Variants in RHOBTB1 observed in about 807,000 individuals in gnomAD.
RHOBTB1 encodes Rho related BTB domain containing 1.
A neutral mutation model predicts 71.6 loss-of-function variants in RHOBTB1; 40 were observed. That is an observed-to-expected ratio of 0.56 (90% CI 0.43 to 0.73). The LOEUF (loss-of-function observed/expected upper bound fraction) is 0.73, where lower values mean the gene tolerates loss of function less well. Among genes scored for constraint, RHOBTB1 ranks in the 30% least tolerant of loss-of-function variants. The pLI is 0.00. For missense variants in RHOBTB1, 797 were observed against 894.0 expected, an observed-to-expected ratio of 0.89 and a Z score of 1.38; for synonymous variants, 319 against 334.9, an observed-to-expected ratio of 0.95 and a Z score of 0.52.
rs777532018 is a variant in RHOBTB1, at chr10:60,911,351, C to T, written c.192G>A (p.Glu64=). Residue 64 remains glutamate, a splice_region_variant and synonymous_variant, in exon 3 of 11, where the codon GAG becomes GAA. Coordinates refer to ENST00000337910, the MANE Select transcript of RHOBTB1 (RefSeq NM_014836.5). The stretch of plus-strand genomic sequence containing the variant: ...GCTGAAGACACTCTGTGCATCTTAC[C>T]TCCTGGCACACGCGGTACTGGTCAA... ...WAIDQYRVCQ[E]VLERSRDVVD... is the part of the protein sequence containing the mutation. 9.0e-5 allele frequency: 144 copies of T among 1,607,036 alleles called. No homozygotes were observed. Among genetic ancestry groups the T allele is most frequent in the Non-Finnish European group, 1.2e-4 (142 of 1,174,306 alleles).
chr10:60,886,175 G>A lies in RHOBTB1; in HGVS notation c.1512C>T (p.Ile504=), dbSNP rs2081563115. 1 of 1,614,094 alleles carries A rather than the reference G, an allele frequency of 6.2e-7. No individual in the cohort carries two copies. Among genetic ancestry groups the A allele is most frequent in the Non-Finnish European group, 8.5e-7 (1 of 1,179,954 alleles). The change falls in exon 7 of 11, where the codon ATC becomes ATT. Residue 504 remains isoleucine (I), a synonymous_variant. Coordinates refer to ENST00000337910, the MANE Select transcript of RHOBTB1 (RefSeq NM_014836.5). ...TGGCTGCCATCCACTCACAGCTACA[G>A]ATCAGCAGCGGCTTGTGGGCACTGA... The part of the protein sequence containing the change: ...GAISAHKPLL[I]CSCEWMAAMF...
chr10:60,949,411 C>T (rs921317663), intron 2 of RHOBTB1, among the ~76,000 whole-genome samples: 1 of 152,142 alleles, frequency 6.6e-6, no homozygotes, highest in South Asian at 2.1e-4. Flanking sequence ...AGTGAAAGAC[C>T]CTTCAGCGTG....
At chr10:60,889,301 A>G in intron 5 of RHOBTB1, 116 bp from the exon 6 acceptor site, 14 of 1,074,378 alleles carry the variant, frequency 1.3e-5, no homozygotes, top group Non-Finnish European at 1.8e-5. Flanking sequence ...TCAGGCTTTT[A>G]GTCTCTGGAA....
rs200091850 is a variant in RHOBTB1, at chr10:60,888,699, C to G, written c.969G>C (p.Arg323=). 7 of 1,614,206 alleles carry G rather than the reference C, an allele frequency of 4.3e-6. No individual in the cohort carries two copies. The highest frequency in any genetic ancestry group is 5.9e-6 in the Non-Finnish European group (7 of 1,180,020). ...KEKQSRDFQG[R]ILSVDPEEER... ...CTTCCTCTGGGTCGACACTCAATAT[C>G]CGCCCCTGGAAATCTCTGCTCTGCT... The change falls in exon 6 of 11, where the codon CGG becomes CGC. Residue 323 remains arginine (R), a synonymous_variant. Transcript: ENST00000337910.
intron 2 of RHOBTB1, among the ~76,000 whole-genome samples, chr10:60,964,358 A>G (rs1050714244): frequency 3.3e-5 from 5 of 152,114 alleles, no homozygotes; most frequent in African/African-American, 9.7e-5. Flanking sequence ...TCTAGGGGAC[A>G]CATGGAAAAT....
chr10:60,980,605 G>A (rs2086464852), intron 2 of RHOBTB1, among the ~76,000 whole-genome samples: 1 of 151,902 alleles, frequency 6.6e-6, no homozygotes, highest in Non-Finnish European at 1.5e-5. Context: ...CCCAGAGTTT[G>A]GATTAATTGT....
intron 2 of RHOBTB1, among the ~76,000 whole-genome samples, chr10:60,958,309 C>T (rs1007109969): frequency 2.0e-5 from 3 of 152,146 alleles, no homozygotes; most frequent in African/African-American, 7.2e-5. Flanking sequence ...GTTAAACTCT[C>T]ATTTCTTTAG....
intron 1 of RHOBTB1, among the ~76,000 whole-genome samples, chr10:60,997,043 A>G (rs1003937225): frequency 1.3e-5 from 2 of 148,934 alleles, no homozygotes; most frequent in Admixed American, 6.8e-5. Flanking sequence ...TATCAAGTCT[A>G]GTAGCCACAG....
At chr10:60,882,833 CG>C (rs780757269) in intron 7 of RHOBTB1, among the ~76,000 whole-genome samples, 6 of 152,046 alleles carry the variant, frequency 3.9e-5, no homozygotes, top group Non-Finnish European at 8.8e-5. Context: ...TAGAGCTTTC[CG>C]GGGACAAATA....
At chr10:60,986,003 A>G (rs1198145843) in intron 1 of RHOBTB1, 3 of 152,202 alleles carry the variant, frequency 2.0e-5, no homozygotes, top group Non-Finnish European at 2.9e-5. Flanking sequence ...AAAACCACTC[A>G]AACAATATTA....
intron 2 of RHOBTB1, among the ~76,000 whole-genome samples, chr10:60,963,688 G>A (rs751271402): frequency 1.2e-4 from 19 of 152,034 alleles, no homozygotes; most frequent in Non-Finnish European, 1.8e-4. Context: ...AAGGAGTAAT[G>A]GTTTTTGTGT....
intron 2 of RHOBTB1, among the ~76,000 whole-genome samples, chr10:60,970,907 C>A (rs1897358): frequency 6.6e-6 from 1 of 151,712 alleles, no homozygotes; most frequent in Admixed American, 6.6e-5. Flanking sequence ...GAGAGTCAAA[C>A]TCAGTATCAG....
chr10:60,952,749 C>T (rs1041059157), intron 2 of RHOBTB1, among the ~76,000 whole-genome samples: 1 of 152,018 alleles, frequency 6.6e-6, no homozygotes, highest in Non-Finnish European at 1.5e-5. Context: ...TGATATTAAA[C>T]TCAGGTAAAC....
intron 2 of RHOBTB1, among the ~76,000 whole-genome samples, chr10:60,953,584 T>C (rs2085484856): frequency 6.6e-6 from 1 of 152,240 alleles, no homozygotes; most frequent in Admixed American, 6.5e-5. Flanking sequence ...TTCTGTTTTC[T>C]ATTGAAAGAA....
intron 2 of RHOBTB1, among the ~76,000 whole-genome samples, chr10:60,934,575 AG>A (rs2084460319): frequency 6.6e-6 from 1 of 152,256 alleles, no homozygotes; most frequent in African/African-American, 2.4e-5. Flanking sequence ...TAGAGTTTAA[AG>A]AATATTAGAA....
chr10:60,896,666 T>A (rs960053324), intron 4 of RHOBTB1, among the ~76,000 whole-genome samples: 2 of 152,212 alleles, frequency 1.3e-5, no homozygotes, highest in African/African-American at 4.8e-5. Flanking sequence ...TATATGGTCT[T>A]AGTTGCTTGC....
intron 1 of RHOBTB1, among the ~76,000 whole-genome samples, chr10:60,996,059 TG>T (rs2087037187): frequency 6.6e-6 from 1 of 152,196 alleles, no homozygotes. Context: ...ACTCAGGAGA[TG>T]GGGACTCACA....
chr10:60,980,278 T>A (rs1312886968), intron 2 of RHOBTB1, among the ~76,000 whole-genome samples: 2 of 152,120 alleles, frequency 1.3e-5, no homozygotes, highest in Non-Finnish European at 2.9e-5. Flanking sequence ...AAGCTAAAAC[T>A]GGCTGGAAGA....
Position 60,872,361 on chromosome 10 carries a change from C to T in RHOBTB1, c.1816-71G>A. 11 of 1,071,136 alleles carry T rather than the reference C, an allele frequency of 1.0e-5. 1 individual carries two copies. The South Asian group carries it at 1.4e-4, about 14-fold the overall frequency. The allele number at this position is 1,071,136 out of a possible 1,614,324, so 66.4% of individuals were successfully genotyped here. On this transcript the variant is annotated intron_variant, in intron 9 of 10. Transcript: ENST00000337910. ...GGGGCTACAAAGAAATTGGGGAAGC[C>T]ATTTTAAGGGTGAAAAGAAATGAAG...
Sources: allele counts gnomAD v4.1 joint callset (sites outside exome capture counted in the v4.1 genomes callset), GRCh38; gene constraint gnomAD v4.1.1; transcripts MANE v1.5; gene names NCBI Gene and HGNC (gene_info 2026-07-23, HGNC 2026-07-21).